Variants in NRXN3 observed in about 807,000 individuals in gnomAD.
NRXN3 encodes neurexin 3.
Under a neutral mutation model 137.6 loss-of-function variants are expected in NRXN3, and 32 were observed. The observed-to-expected ratio is 0.23, with a 90% CI of 0.18 to 0.31. The LOEUF (loss-of-function observed/expected upper bound fraction) is 0.31, where lower values mean the gene tolerates loss of function less well. NRXN3 is among the 10% of genes least tolerant of loss of function. NRXN3 has a pLI of 1.00. For synonymous variants in NRXN3, 798 were observed against 784.5 expected (o/e 1.02, Z -0.29); for missense variants, 1,574 against 2,062.5 (o/e 0.76, Z 4.59).
At chr14:78,472,244 T>C (rs2095289322) in intron 4 of NRXN3, among the ~76,000 whole-genome samples, 1 of 152,080 alleles carries the variant, frequency 6.6e-6, no homozygotes, top group Admixed American at 6.6e-5. Flanking sequence ...GTGGAGGTGG[T>C]GTGGGGGCTG....
chr14:78,487,293 C>T (rs1191298724), intron 4 of NRXN3, among the ~76,000 whole-genome samples: 1 of 152,016 alleles, frequency 6.6e-6, no homozygotes, highest in Non-Finnish European at 1.5e-5. Context: ...GGCTTTGTGT[C>T]ATTGCAACTC....
At chr14:79,330,108 G>A (rs1030267824) in intron 15 of NRXN3, among the ~76,000 whole-genome samples, 7 of 152,050 alleles carry the variant, frequency 4.6e-5, no homozygotes, top group African/African-American at 1.7e-4. Context: ...GGGATTACAG[G>A]TGTGAGCCAC....
At chr14:78,785,117 AT>A (rs1288461067) in intron 8 of NRXN3, among the ~76,000 whole-genome samples, 2 of 152,244 alleles carry the variant, frequency 1.3e-5, no homozygotes, top group Non-Finnish European at 2.9e-5. Context: ...GAACAGAAAA[AT>A]ACAGTGAAAA....
intron 15 of NRXN3, among the ~76,000 whole-genome samples, chr14:78,997,244 T>G (rs117320099): frequency 8.5e-5 from 13 of 152,324 alleles, no homozygotes; most frequent in Admixed American, 1.3e-4. Flanking sequence ...CAAAGGCATA[T>G]AGCTTATCAT....
chr14:78,217,249 C>A (rs1291333212), intron 1 of NRXN3, among the ~76,000 whole-genome samples: 1 of 152,136 alleles, frequency 6.6e-6, no homozygotes, highest in African/African-American at 2.4e-5. Flanking sequence ...CTCAAATGAA[C>A]AATTGACATA....
chr14:79,244,517 G>A (rs899940815), intron 15 of NRXN3, among the ~76,000 whole-genome samples: 6 of 152,114 alleles, frequency 3.9e-5, no homozygotes, highest in Non-Finnish European at 7.4e-5. Flanking sequence ...GACAAGGTTA[G>A]GTAGATTTAT....
chr14:79,474,801 G>A (rs2096545120), intron 16 of NRXN3, among the ~76,000 whole-genome samples: 1 of 151,894 alleles, frequency 6.6e-6, no homozygotes, highest in Admixed American at 6.6e-5. Flanking sequence ...CATGAAAACA[G>A]GGAAAGAAGA....
At chr14:79,851,819 G>T (rs2099392076) in intron 20 of NRXN3, among the ~76,000 whole-genome samples, 1 of 152,112 alleles carries the variant, frequency 6.6e-6, no homozygotes, top group Admixed American at 6.5e-5. Flanking sequence ...GCATACATGT[G>T]AGAGGCATAG....
intron 16 of NRXN3, among the ~76,000 whole-genome samples, chr14:79,522,283 AAAC>A (rs2097073874): frequency 6.6e-6 from 1 of 152,104 alleles, no homozygotes; most frequent in Non-Finnish European, 1.5e-5. Flanking sequence ...ACAATAATCT[AAAC>A]TGCAGAGTGG....
intron 4 of NRXN3, among the ~76,000 whole-genome samples, chr14:78,582,233 C>CT (rs1417310063): frequency 1.3e-5 from 2 of 152,168 alleles, no homozygotes; most frequent in African/African-American, 4.8e-5. Context: ...GTCAGCTTGC[C>CT]TTGCATTTTT....
chr14:78,352,359 A>G (rs2083650522), intron 4 of NRXN3, among the ~76,000 whole-genome samples: 3 of 152,092 alleles, frequency 2.0e-5, no homozygotes, highest in Non-Finnish European at 2.9e-5. Context: ...TTATCTCTGG[A>G]AGGTCTCTTT....
intron 16 of NRXN3, among the ~76,000 whole-genome samples, chr14:79,621,389 C>T (rs572790237): frequency 6.6e-6 from 1 of 152,250 alleles, no homozygotes; most frequent in South Asian, 2.1e-4. Flanking sequence ...ATTGTTTCTA[C>T]AAGAAAGATG....
chr14:78,502,511 C>T (rs545878558), intron 4 of NRXN3, among the ~76,000 whole-genome samples: 1 of 152,216 alleles, frequency 6.6e-6, no homozygotes, highest in East Asian at 1.9e-4. Context: ...CTTACTGGAC[C>T]CAGTCCTACA....
At chr14:79,434,783 G>A (rs1226483073) in intron 15 of NRXN3, among the ~76,000 whole-genome samples, 1 of 152,226 alleles carries the variant, frequency 6.6e-6, no homozygotes, top group Non-Finnish European at 1.5e-5. Flanking sequence ...TGAGATGCAA[G>A]TGCGGCTAAA....
At chr14:79,559,367 G>A (rs1477215476) in intron 16 of NRXN3, among the ~76,000 whole-genome samples, 1 of 151,982 alleles carries the variant, frequency 6.6e-6, no homozygotes, top group Non-Finnish European at 1.5e-5. Flanking sequence ...GGCCATTGTA[G>A]GGTCATTATT....
At chr14:78,812,079 A>G (rs1195597457) in intron 10 of NRXN3, among the ~76,000 whole-genome samples, 1 of 152,206 alleles carries the variant, frequency 6.6e-6, no homozygotes, top group Non-Finnish European at 1.5e-5. Flanking sequence ...CCTACAGTTT[A>G]AGGATGATAA....
chr14:79,070,895 G>T (rs1034379631), intron 15 of NRXN3, among the ~76,000 whole-genome samples: 29 of 152,174 alleles, frequency 1.9e-4, no homozygotes, highest in African/African-American at 6.8e-4. Context: ...CATGTTGGGG[G>T]TGATTCTGGG....
At chr14:78,775,375 A>T (rs9972202) in intron 8 of NRXN3, among the ~76,000 whole-genome samples, 27,714 of 152,194 alleles carry the variant, frequency 0.18, 4,738 homozygotes, top group African/African-American at 0.45. Context: ...AACTTGTCTA[A>T]CCTGTGGCCC....
chr14:78,951,587 A>G (rs1450893374), intron 10 of NRXN3, among the ~76,000 whole-genome samples: 1 of 151,952 alleles, frequency 6.6e-6, no homozygotes, highest in Admixed American at 6.6e-5. Context: ...GGTTGACAGA[A>G]CTCAACCCTA....
Sources: gnomAD v4.1 joint callset for allele counts (sites outside exome capture counted in the v4.1 genomes callset) on GRCh38, gnomAD v4.1.1 for gene constraint, MANE v1.5 for transcripts, NCBI Gene and HGNC (gene_info 2026-07-23, HGNC 2026-07-21) for gene names.